C13orf46: variants seen among roughly 807,000 people sequenced by gnomAD.
C13orf46 encodes the protein uncharacterized protein C13orf46.
chr13:113,960,275 T>C (rs1311713925), intron 6 of C13orf46, among the ~76,000 whole-genome samples: 1 of 152,182 alleles, frequency 6.6e-6, no homozygotes, highest in Non-Finnish European at 1.5e-5. Context: ...GATTGAGCTT[T>C]GATATTAAAT....
the C13orf46 span, among the ~76,000 whole-genome samples, chr13:113,929,928 G>A: frequency 6.6e-6 from 1 of 152,252 alleles, no homozygotes; most frequent in African/African-American, 2.4e-5. Flanking sequence ...GGGAGCAGGA[G>A]GCTGTGGGGA....
the C13orf46 span, among the ~76,000 whole-genome samples, chr13:113,939,783 C>T: frequency 1.1e-3 from 162 of 152,288 alleles, no homozygotes; most frequent in African/African-American, 3.3e-3. Flanking sequence ...CTGGGCCCAG[C>T]GCCATCTCAT....
the C13orf46 span, among the ~76,000 whole-genome samples, chr13:113,945,778 A>C: frequency 6.6e-6 from 1 of 152,162 alleles, no homozygotes; most frequent in Admixed American, 6.5e-5. Flanking sequence ...CTCCCTTGGG[A>C]GGCGTCGAAT....
the C13orf46 span, among the ~76,000 whole-genome samples, chr13:113,945,656 G>GAAAGA: frequency 7.3e-6 from 1 of 137,716 alleles, no homozygotes; most frequent in African/African-American, 2.7e-5. Flanking sequence ...AAGAAAGAAA[G>GAAAGA]AAAGAAAGAA....
the C13orf46 span, among the ~76,000 whole-genome samples, chr13:113,929,073 C>G: frequency 6.6e-6 from 1 of 152,244 alleles, no homozygotes; most frequent in South Asian, 2.1e-4. Context: ...GGGAGAGAAG[C>G]TGGCACAGCC....
intron 6 of C13orf46, among the ~76,000 whole-genome samples, chr13:113,961,175 A>G (rs1340189653): frequency 1.3e-5 from 2 of 152,204 alleles, no homozygotes; most frequent in Non-Finnish European, 2.9e-5. Context: ...AGATTAAACA[A>G]TTACATTTGG....
At chr13:113,945,623 A>AG in the C13orf46 span, among the ~76,000 whole-genome samples, 59 of 128,988 alleles carry the variant, frequency 4.6e-4, 1 homozygote, top group African/African-American at 1.6e-3. Context: ...AAAGAAAGAA[A>AG]GAAAGAAAGA....
At position 113,953,892 on chromosome 13, in the gene C13orf46, G is replaced by C. The variant is rs1424136065; in HGVS notation, c.*2881C>G. 6.6e-6 allele frequency: 1 copy of C among 152,278 alleles called. No individual in the cohort carries two copies. Among genetic ancestry groups the C allele is most frequent in the African/African-American group, 2.4e-5 (1 of 41,464 alleles). The allele number at this position is 152,278 out of a possible 1,614,324, so 9.4% of individuals were successfully genotyped here. On this transcript the variant is annotated 3_prime_UTR_variant, in exon 7 of 7. Transcript: ENST00000636427. Reference sequence around the variant, plus strand: ...CCCAACTGCCCGGCAGCCTGTCCAGGACAGCCCGTCCAGGGCCCATTTCCG... The same window carrying C: ...CCCAACTGCCCGGCAGCCTGTCCAGCACAGCCCGTCCAGGGCCCATTTCCG...
At chr13:113,968,412 C>T (rs1394976466) in intron 4 of C13orf46, 55 bp downstream of exon 4, 1 of 152,218 alleles carries the variant, frequency 6.6e-6, no homozygotes, top group Non-Finnish European at 1.5e-5. Flanking sequence ...CGGCAGAACT[C>T]CCGCCTGGAC....
At position 113,956,098 on chromosome 13, in the gene C13orf46, T is replaced by G. The variant is rs1336424235; in HGVS notation, c.*675A>C. ...AGGATCTGGCGGAGAGGTGGAGTAG[T>G]ATCTGGCGGAGAGGAGGAGTAGGAT... is the stretch of plus-strand genomic sequence containing the variant. On this transcript the variant is annotated 3_prime_UTR_variant, in exon 7 of 7. Transcript: ENST00000636427. 17 of 121,908 alleles carry G rather than the reference T, an allele frequency of 1.4e-4. No individual in the cohort carries two copies. Among genetic ancestry groups the G allele is most frequent in the African/African-American group, 3.5e-4 (10 of 28,690 alleles). 7.6% of individuals were successfully genotyped at this position (121,908 alleles called of 1,614,324 possible). A position where few individuals can be genotyped will look rare whatever the true frequency, so the allele number is the denominator to read the frequency against.
the C13orf46 span, among the ~76,000 whole-genome samples, chr13:113,936,224 C>G: frequency 6.6e-6 from 1 of 152,192 alleles, no homozygotes; most frequent in Non-Finnish European, 1.5e-5. Flanking sequence ...CTACTCAAGG[C>G]CCGGATAGAG....
chr13:113,957,914 G>A (rs1443035678), intron 6 of C13orf46, among the ~76,000 whole-genome samples: 5 of 145,388 alleles, frequency 3.4e-5, no homozygotes, highest in East Asian at 2.1e-4. Context: ...AAGCACACTG[G>A]GGTCTCCCCT....
the C13orf46 span, among the ~76,000 whole-genome samples, chr13:113,936,386 A>G: frequency 6.6e-6 from 1 of 152,086 alleles, no homozygotes; most frequent in South Asian, 2.1e-4. Context: ...ATTTTTGAGG[A>G]AATCCTGGCC....
chr13:113,960,745 C>T (rs1013836605), intron 6 of C13orf46, among the ~76,000 whole-genome samples: 55 of 152,346 alleles, frequency 3.6e-4, no homozygotes, highest in South Asian at 1.2e-3. Context: ...TTACTGTCCT[C>T]TGTAATCAAG....
At chr13:113,945,598 A>AAAG in the C13orf46 span, among the ~76,000 whole-genome samples, 1,168 of 130,230 alleles carry the variant, frequency 9.0e-3, 6 homozygotes, top group African/African-American at 9.6e-3. Context: ...AGAGAGAAAG[A>AAAG]AAGAAAGAAG....
At chr13:113,929,984 T>C in the C13orf46 span, among the ~76,000 whole-genome samples, 1 of 152,220 alleles carries the variant, frequency 6.6e-6, no homozygotes, top group Non-Finnish European at 1.5e-5. Context: ...AAAGTGGACT[T>C]ACGTGGACAA....
downstream of C13orf46, among the ~76,000 whole-genome samples, chr13:113,950,067 G>A (rs1430809363): frequency 8.0e-5 from 10 of 124,816 alleles, no homozygotes; most frequent in East Asian, 1.8e-3. Context: ...TTGCCTGAGG[G>A]ACCTCAATGC....
the C13orf46 span, chr13:113,928,228 G>T: frequency 2.0e-5 from 3 of 152,296 alleles, no homozygotes; most frequent in Non-Finnish European, 4.4e-5. Flanking sequence ...CATCGTGGAG[G>T]GGGGCGCATT....
At chr13:113,934,226 G>A in the C13orf46 span, among the ~76,000 whole-genome samples, 1 of 152,218 alleles carries the variant, frequency 6.6e-6, no homozygotes, top group Non-Finnish European at 1.5e-5. Context: ...CGATGCGTCG[G>A]ACACGCACCT....
Sources: allele counts gnomAD v4.1 joint callset (sites outside exome capture counted in the v4.1 genomes callset), GRCh38; gene constraint gnomAD v4.1.1; transcripts MANE v1.5; gene names NCBI Gene and HGNC (gene_info 2026-07-23, HGNC 2026-07-21).